EML5: variants seen among roughly 807,000 people sequenced by gnomAD.
The protein encoded by EML5 is EMAP like 5.
A neutral mutation model predicts 250.0 loss-of-function variants in EML5; 120 were observed. That is an observed-to-expected ratio of 0.48 (90% CI 0.41 to 0.56). EML5 has a LOEUF of 0.56. Among genes scored for constraint, EML5 ranks in the 20% least tolerant of loss-of-function variants. EML5 has a pLI of 0.00. For synonymous variants in EML5, 771 were observed against 806.5 expected (o/e 0.96, Z 0.75); for missense variants, 2,006 against 2,437.6 (o/e 0.82, Z 3.73).
At position 88,661,849 on chromosome 14, in the gene EML5, G is replaced by A. The variant is rs991049166; in HGVS notation, c.3499-19C>T. ...TTTCTACCTAAAAATGAAAAACAAT[G>A]CTGTAAGTTTGGATTATCCAAACCT... On this transcript the variant is annotated intron_variant, in intron 24 of 43. Coordinates refer to ENST00000554922, the MANE Select transcript of EML5 (RefSeq NM_183387.3). 18 of 1,599,152 alleles carry A rather than the reference G, an allele frequency of 1.1e-5. No homozygotes were observed. Among genetic ancestry groups the A allele is most frequent in the East Asian group, 2.2e-5 (1 of 44,608 alleles).
chr14:88,712,539 C>G (rs1354160983), intron 9 of EML5, 56 bp from the exon 10 acceptor site: 20 of 1,445,890 alleles, frequency 1.4e-5, no homozygotes, highest in Non-Finnish European at 1.8e-5. Context: ...TTTTCTCAAG[C>G]CTAAACTGTA....
intron 3 of EML5, among the ~76,000 whole-genome samples, chr14:88,745,167 T>TTGTTTGTGTGTGTGTGTGTGTGTG (rs148282706): frequency 2.8e-5 from 4 of 145,190 alleles, no homozygotes; most frequent in African/African-American, 5.1e-5. Context: ...AATTGTGTGT[T>TTGTTTGTGTGTGTGTGTGTGTGTG]TGTGTGTGTG....
intron 33 of EML5, among the ~76,000 whole-genome samples, chr14:88,630,091 C>T (rs1158819976): frequency 7.6e-6 from 1 of 131,782 alleles, no homozygotes; most frequent in Non-Finnish European, 1.5e-5. Context: ...AGTGCAATGG[C>T]ATGATCTCGG....
chr14:88,735,126 T>G (rs1427463509), intron 7 of EML5, among the ~76,000 whole-genome samples: 1 of 152,158 alleles, frequency 6.6e-6, no homozygotes, highest in African/African-American at 2.4e-5. Context: ...ATTCCTAAAT[T>G]TGATCAGTGG....
chr14:88,702,546 T>A lies in EML5; in HGVS notation c.2138A>T (p.Tyr713Phe), dbSNP rs773188127. ...ACGCTGTGTGTTTTGCTGTCGATTA[T>A]AAATGACACCCACTGCTGCCACATG... is the stretch of plus-strand genomic sequence containing the variant. Reference protein sequence around the residue: ...VYHVAAVGVIYNRQQNTQRFY... With the variant: ...VYHVAAVGVIFNRQQNTQRFY... Residue 713 changes from tyrosine (Y) to phenylalanine (F), a missense_variant, in exon 14 of 44, where the codon TAT becomes TTT. By Grantham distance (22) the Tyr-to-Phe change is conservative. Coordinates refer to ENST00000554922, the MANE Select transcript of EML5 (RefSeq NM_183387.3). 1 of 1,613,478 alleles carries A rather than the reference T, an allele frequency of 6.2e-7. No homozygotes were observed. The highest frequency in any genetic ancestry group is 1.3e-5 in the African/African-American group (1 of 75,030).
chr14:88,655,283 T>C (rs377475806), intron 27 of EML5, among the ~76,000 whole-genome samples: 84 of 152,228 alleles, frequency 5.5e-4, no homozygotes, highest in African/African-American at 1.9e-3. Flanking sequence ...AACAGATATA[T>C]AGACCAATGG....
At chr14:88,717,437 G>C (rs977815319) in intron 8 of EML5, among the ~76,000 whole-genome samples, 1 of 152,112 alleles carries the variant, frequency 6.6e-6, no homozygotes, top group African/African-American at 2.4e-5. Context: ...AGATGTACCA[G>C]TCAAATCACT....
intron 33 of EML5, among the ~76,000 whole-genome samples, chr14:88,628,925 G>C (rs954896262): frequency 5.3e-5 from 8 of 151,810 alleles, no homozygotes; most frequent in African/African-American, 1.9e-4. Flanking sequence ...ATACATAAAA[G>C]TTTATCATAT....
In EML5 at chr14:88,792,842, G is replaced by C; in HGVS notation, c.-339C>G. 1 of 664,064 alleles carries C rather than the reference G, an allele frequency of 1.5e-6. No homozygotes were observed. The highest frequency in any genetic ancestry group is 1.9e-6 in the Non-Finnish European group (1 of 534,936). The allele number at this position is 664,064 out of a possible 1,614,324, so 41.1% of individuals were successfully genotyped here. A position where few individuals can be genotyped will look rare whatever the true frequency, so the allele number is the denominator to read the frequency against. ...GCCCGCCTCCAGCTCCTCAGCCGCC[G>C]CCCGCGCACGCAGCTCCCAGCCCCG... On this transcript the variant is annotated 5_prime_UTR_variant, in exon 1 of 44. Coordinates refer to ENST00000554922, the MANE Select transcript of EML5 (RefSeq NM_183387.3). This position sits in a 1 kb window ranked among gnomAD's most constrained non-coding sequence, Gnocchi z 6.9.
chr14:88,663,538 CAT>C (rs1165338430), intron 23 of EML5, among the ~76,000 whole-genome samples: 5 of 152,048 alleles, frequency 3.3e-5, no homozygotes, highest in East Asian at 1.9e-4. Flanking sequence ...ATTTATCAAA[CAT>C]ATTAAACTCA....
intron 1 of EML5, among the ~76,000 whole-genome samples, chr14:88,783,977 TGGAATAAAACTA>T (rs1356270700): frequency 1.3e-5 from 2 of 152,028 alleles, no homozygotes; most frequent in Non-Finnish European, 2.9e-5. Context: ...CTGACCACAA[TGGAATAAAACTA>T]GAAATTAATA....
Position 88,638,806 on chromosome 14 carries a change from T to TA in EML5, c.4336+2dup. The TA allele has an allele frequency of 6.4e-7, 1 of 1,570,988 alleles. No homozygotes were observed. The highest frequency in any genetic ancestry group is 8.6e-7 in the Non-Finnish European group (1 of 1,156,080). On this transcript the variant is annotated splice_region_variant and intron_variant, in intron 32 of 43. Coordinates refer to ENST00000554922, the MANE Select transcript of EML5 (RefSeq NM_183387.3). ...TGTTTCTTTTTAAAATACAGAAACA[T>TA]ACCTACTTGGCCAGTTGCCACTATG...
At chr14:88,707,581 T>A (rs1179124504) in intron 10 of EML5, among the ~76,000 whole-genome samples, 2 of 152,108 alleles carry the variant, frequency 1.3e-5, no homozygotes, top group African/African-American at 4.8e-5. Flanking sequence ...GACTTGTATA[T>A]CAGGATGTCA....
chr14:88,719,373 G>C (rs918889559), intron 8 of EML5, among the ~76,000 whole-genome samples: 1 of 152,150 alleles, frequency 6.6e-6, no homozygotes, highest in Non-Finnish European at 1.5e-5. Context: ...GCAACAGAGC[G>C]AGACCTTGTC....
At chr14:88,757,050 C>A (rs2094170450) in intron 1 of EML5, among the ~76,000 whole-genome samples, 1 of 152,178 alleles carries the variant, frequency 6.6e-6, no homozygotes, top group African/African-American at 2.4e-5. Context: ...AAAAATCACA[C>A]TTTCCAATTT....
chr14:88,671,992 A>C (rs4899958), intron 21 of EML5, among the ~76,000 whole-genome samples: 152,081 of 152,236 alleles, frequency 1, 75,964 homozygotes, highest in Middle Eastern at 1. Context: ...ATTAGATCAT[A>C]AAGACAGAAA....
chr14:88,777,433 G>A (rs1457392266), intron 1 of EML5, among the ~76,000 whole-genome samples: 1 of 152,162 alleles, frequency 6.6e-6, no homozygotes, highest in Non-Finnish European at 1.5e-5. Context: ...AATGCTAAAG[G>A]AAGCACTTCA....
At chr14:88,775,543 G>A (rs2094439083) in intron 1 of EML5, among the ~76,000 whole-genome samples, 1 of 152,180 alleles carries the variant, frequency 6.6e-6, no homozygotes, top group Non-Finnish European at 1.5e-5. Flanking sequence ...TCTTTAGAGA[G>A]AAGAGTGGGA....
At position 88,665,408 on chromosome 14, in the gene EML5, G is replaced by A. The variant is rs201840869; in HGVS notation, c.3206C>T (p.Ala1069Val). The A allele has an allele frequency of 9.3e-6, 15 of 1,613,886 alleles. No individual in the cohort carries two copies. The highest frequency in any genetic ancestry group is 8.9e-5 in the East Asian group (4 of 44,874). ...AGACACAAGATCCTCTAGAGTATCC[G>A]CATTTGCCATTAAGAAGCTTCCATC... ...LNDGSFLMAN[A>V]DTLEDLVSFH... Residue 1069 changes from alanine (A) to valine (V), a missense_variant, in exon 22 of 44, where the codon GCG becomes GTG. Physicochemically the swap from Ala to Val is moderately conservative, Grantham distance 64. Around this residue, in one of 7 missense-constraint regions of EML5, gnomAD observed 1,375 missense variants for 1,590.3 expected, o/e 0.86. Coordinates refer to ENST00000554922, the MANE Select transcript of EML5 (RefSeq NM_183387.3).
Sources: gnomAD v4.1 joint callset for allele counts (sites outside exome capture counted in the v4.1 genomes callset) on GRCh38, gnomAD v4.1.1 for gene constraint, gnomAD v4.1.1 regional missense constraint, Gnocchi (gnomAD v3.1) non-coding constraint, MANE v1.5 for transcripts, NCBI Gene and HGNC (gene_info 2026-07-23, HGNC 2026-07-21) for gene names.